The following ARHGAP15 variants were observed in gnomAD, a reference collection of about 807,000 sequenced individuals.
ARHGAP15 encodes Rho GTPase activating protein 15, also known as rho GTPase-activating protein 15.
ARHGAP15 carries 51 observed loss-of-function variants against 63.7 expected under a neutral mutation model. The observed-to-expected ratio is 0.80, with a 90% CI of 0.64 to 1.01. The LOEUF is 1.01. Among genes scored for constraint, ARHGAP15 ranks in the 50% least tolerant of loss-of-function variants. The pLI, the probability that ARHGAP15 is intolerant of heterozygous loss-of-function variation, is 0.00. For missense variants in ARHGAP15, 560 were observed against 564.6 expected (o/e 0.99, Z 0.08); for synonymous variants, 191 against 193.8 (o/e 0.99, Z 0.12).
chr2:143,685,012 T>C (rs1276664395), intron 12 of ARHGAP15, among the ~76,000 whole-genome samples: 1 of 152,210 alleles, frequency 6.6e-6, no homozygotes, highest in Non-Finnish European at 1.5e-5. Context: ...TGCTCATTTG[T>C]CACAGCCAAA....
At chr2:143,518,297 A>G (rs1693908359) in intron 9 of ARHGAP15, among the ~76,000 whole-genome samples, 1 of 152,232 alleles carries the variant, frequency 6.6e-6, no homozygotes, top group Admixed American at 6.5e-5. Flanking sequence ...ATCTGCTTTG[A>G]GAGAATCTAT....
chr2:143,605,637 G>A (rs1574697352), intron 11 of ARHGAP15, among the ~76,000 whole-genome samples: 1 of 151,684 alleles, frequency 6.6e-6, no homozygotes, highest in African/African-American at 2.4e-5. Context: ...TCAGATTCGC[G>A]GCATTTAAAG....
intron 9 of ARHGAP15, among the ~76,000 whole-genome samples, chr2:143,517,190 G>T (rs576740164): frequency 6.6e-6 from 1 of 152,136 alleles, no homozygotes; most frequent in East Asian, 1.9e-4. Flanking sequence ...CTCATGATCC[G>T]CCCACCTCAG....
chr2:143,341,974 A>G (rs1440399839), intron 6 of ARHGAP15, among the ~76,000 whole-genome samples: 1 of 152,200 alleles, frequency 6.6e-6, no homozygotes, highest in African/African-American at 2.4e-5. Flanking sequence ...AGTTTTAATC[A>G]TTAAAAATAC....
intron 12 of ARHGAP15, among the ~76,000 whole-genome samples, chr2:143,662,241 C>A (rs911163655): frequency 6.6e-6 from 1 of 151,896 alleles, no homozygotes; most frequent in South Asian, 2.1e-4. Context: ...ACTGCCTCCT[C>A]AAGTGGGTCC....
chr2:143,525,562 G>A (rs1387242869), intron 10 of ARHGAP15, among the ~76,000 whole-genome samples: 1 of 152,008 alleles, frequency 6.6e-6, no homozygotes, highest in African/African-American at 2.4e-5. Context: ...AGTTTGCAGT[G>A]AATCTCCTTG....
At chr2:143,713,918 A>T (rs536183927) in intron 13 of ARHGAP15, among the ~76,000 whole-genome samples, 1 of 152,296 alleles carries the variant, frequency 6.6e-6, no homozygotes, top group African/African-American at 2.4e-5. Context: ...ATAGGCTGGC[A>T]TCGAGTGTCT....
chr2:143,672,023 T>A (rs1392502288), intron 12 of ARHGAP15, among the ~76,000 whole-genome samples: 1 of 152,174 alleles, frequency 6.6e-6, no homozygotes, highest in East Asian at 1.9e-4. Context: ...AGTGTGTACT[T>A]GGTGCTATGA....
chr2:143,478,474 C>T (rs1471605563), intron 8 of ARHGAP15, among the ~76,000 whole-genome samples: 2 of 152,182 alleles, frequency 1.3e-5, no homozygotes, highest in Non-Finnish European at 2.9e-5. Context: ...GACACGGTGA[C>T]AGCATTGCCA....
intron 10 of ARHGAP15, 157 bp downstream of exon 10, chr2:143,519,521 A>G (rs765658076): frequency 8.0e-6 from 4 of 499,486 alleles, no homozygotes; most frequent in African/African-American, 2.0e-5. Flanking sequence ...TATTAACTTC[A>G]GTTTGTTTTT....
chr2:143,243,592 A>T (rs1441523748), intron 5 of ARHGAP15, among the ~76,000 whole-genome samples: 1 of 152,156 alleles, frequency 6.6e-6, no homozygotes. Context: ...GTTCATTAGC[A>T]GACTTTTTCT....
At chr2:143,688,907 A>G (rs1683469134) in intron 12 of ARHGAP15, among the ~76,000 whole-genome samples, 1 of 152,186 alleles carries the variant, frequency 6.6e-6, no homozygotes, top group Admixed American at 6.6e-5. Context: ...TTGCCAGAAT[A>G]TATCAAGATA....
At chr2:143,458,283 T>C (rs1042706040) in intron 8 of ARHGAP15, among the ~76,000 whole-genome samples, 1 of 152,128 alleles carries the variant, frequency 6.6e-6, no homozygotes, top group Non-Finnish European at 1.5e-5. Context: ...ACTCAAGTAA[T>C]GATCAAGGAA....
At chr2:143,377,465 A>G (rs181676228) in intron 6 of ARHGAP15, among the ~76,000 whole-genome samples, 1 of 152,072 alleles carries the variant, frequency 6.6e-6, no homozygotes, top group Non-Finnish European at 1.5e-5. Flanking sequence ...TATTAAATAT[A>G]TTACATAAGA....
intron 2 of ARHGAP15, among the ~76,000 whole-genome samples, chr2:143,180,944 T>A (rs1364025152): frequency 9.9e-5 from 15 of 152,186 alleles, no homozygotes; most frequent in Admixed American, 9.8e-4. Flanking sequence ...AGTGCTGGGA[T>A]TACAGGTGTG....
intron 6 of ARHGAP15, among the ~76,000 whole-genome samples, chr2:143,283,759 T>C (rs1335519419): frequency 6.6e-6 from 1 of 152,186 alleles, no homozygotes; most frequent in African/African-American, 2.4e-5. Flanking sequence ...CATCACTCTT[T>C]CTCTTCAAAC....
chr2:143,550,144 A>T, intron 10 of ARHGAP15, among the ~76,000 whole-genome samples: 1 of 152,208 alleles, frequency 6.6e-6, no homozygotes, highest in Non-Finnish European at 1.5e-5. Context: ...TTTAAAGAGA[A>T]ATTTTTTTTT....
chr2:143,138,119 A>G (rs139256780), intron 1 of ARHGAP15, among the ~76,000 whole-genome samples: 2 of 152,216 alleles, frequency 1.3e-5, no homozygotes, highest in East Asian at 3.9e-4. Flanking sequence ...CATCAATATA[A>G]ATTATTAGAG....
rs370093684 is a variant in ARHGAP15, at chr2:143,545,282, TC to T, written c.926-11122del. Among the ~76,000 whole-genome samples, 76 of 152,200 alleles carry T rather than the reference TC, an allele frequency of 5.0e-4. No homozygotes were observed. The South Asian group carries it at 0.015, about 31-fold the overall frequency. ...CCAAAGGGTCTGAATTGGAGGCACC[TC>T]CCCAAAGATCAAAAGTTATGCTCCA... On this transcript the variant is annotated intron_variant, in intron 10 of 13. Transcript: ENST00000295095.
Sources: gnomAD v4.1 joint callset for allele counts (sites outside exome capture counted in the v4.1 genomes callset) on GRCh38, gnomAD v4.1.1 for gene constraint, MANE v1.5 for transcripts, NCBI Gene and HGNC (gene_info 2026-07-23, HGNC 2026-07-21) for gene names.